SCHIP1: variants seen among roughly 807,000 people sequenced by gnomAD.
The protein encoded by SCHIP1 is schwannomin interacting protein 1, also known as schwannomin-interacting protein 1.
SCHIP1 carries 8 observed loss-of-function variants against 29.7 expected under a neutral mutation model. The ratio of observed to expected loss-of-function variants is 0.27; its 90% confidence interval spans 0.16 to 0.49. The LOEUF (loss-of-function observed/expected upper bound fraction) is 0.49, where lower values mean the gene tolerates loss of function less well. Ranked by LOEUF, SCHIP1 falls within the 20% of genes least tolerant of loss-of-function variation. SCHIP1 has a pLI of 0.99. For missense variants in SCHIP1, 193 were observed against 294.6 expected (o/e 0.66, Z 2.52); for synonymous variants, 76 against 94.9 (o/e 0.80, Z 1.16).
chr3:159,772,693 C>G, the SCHIP1 span, among the ~76,000 whole-genome samples: 2 of 152,174 alleles, frequency 1.3e-5, no homozygotes, highest in Non-Finnish European at 2.9e-5. Flanking sequence ...ATTCCAGGTC[C>G]TTTCTTAAAA....
the SCHIP1 span, among the ~76,000 whole-genome samples, chr3:159,426,803 G>A: frequency 6.0e-4 from 91 of 152,240 alleles, no homozygotes; most frequent in African/African-American, 2.0e-3. Context: ...CTGGCAAACT[G>A]AATCCAGCAG....
the SCHIP1 span, among the ~76,000 whole-genome samples, chr3:159,692,013 C>CTTTTTTTTT: frequency 1.1e-5 from 1 of 90,942 alleles, no homozygotes; most frequent in African/African-American, 4.8e-5. Flanking sequence ...CCCGACCTTT[C>CTTTTTTTTT]TTTTTTTTTT....
chr3:159,312,996 G>C, the SCHIP1 span, among the ~76,000 whole-genome samples: 1 of 151,764 alleles, frequency 6.6e-6, no homozygotes, highest in African/African-American at 2.4e-5. Flanking sequence ...TTTCTTTTTT[G>C]CTATTATTCA....
At chr3:159,739,876 A>G in the SCHIP1 span, among the ~76,000 whole-genome samples, 5 of 152,374 alleles carry the variant, frequency 3.3e-5, no homozygotes. Context: ...GACCAAGTCT[A>G]CATTTATTCT....
At chr3:159,714,146 A>G in the SCHIP1 span, among the ~76,000 whole-genome samples, 1 of 152,174 alleles carries the variant, frequency 6.6e-6, no homozygotes, top group Non-Finnish European at 1.5e-5. Flanking sequence ...CTGAGGGGGA[A>G]GAATAACTTG....
chr3:159,853,206 C>T (rs1712876780), intron 1 of SCHIP1: 4 of 450,996 alleles, frequency 8.9e-6, no homozygotes, highest in South Asian at 4.8e-5. Context: ...GGAGGCTGGG[C>T]GGGGCAGTGT....
chr3:159,337,033 G>C, the SCHIP1 span, among the ~76,000 whole-genome samples: 1 of 152,042 alleles, frequency 6.6e-6, no homozygotes, highest in Non-Finnish European at 1.5e-5. Flanking sequence ...CAGATGCAAG[G>C]CTGGTTCAAC....
the SCHIP1 span, among the ~76,000 whole-genome samples, chr3:159,392,152 A>T: frequency 6.6e-6 from 1 of 152,140 alleles, no homozygotes; most frequent in Non-Finnish European, 1.5e-5. Context: ...GTTGCCTGTC[A>T]TCAGCTTTAG....
chr3:159,693,914 A>G, the SCHIP1 span, among the ~76,000 whole-genome samples: 1 of 152,316 alleles, frequency 6.6e-6, no homozygotes, highest in Non-Finnish European at 1.5e-5. Flanking sequence ...GTGTGTCGTG[A>G]AGATCAGTGC....
chr3:159,651,253 G>C, the SCHIP1 span, among the ~76,000 whole-genome samples: 1 of 152,178 alleles, frequency 6.6e-6, no homozygotes, highest in Admixed American at 6.5e-5. Context: ...TATGAATTTA[G>C]TATAGATACT....
At chr3:159,626,567 T>C in the SCHIP1 span, among the ~76,000 whole-genome samples, 5 of 152,062 alleles carry the variant, frequency 3.3e-5, no homozygotes, top group African/African-American at 1.2e-4. Flanking sequence ...TTATATAATG[T>C]GATAGTAAAC....
chr3:159,363,009 A>T, the SCHIP1 span, among the ~76,000 whole-genome samples: 2,474 of 152,286 alleles, frequency 0.016, 56 homozygotes, highest in African/African-American at 0.056. Context: ...AGTAACAGCC[A>T]CTTACCCCAT....
At chr3:159,468,928 G>A in the SCHIP1 span, among the ~76,000 whole-genome samples, 1 of 151,372 alleles carries the variant, frequency 6.6e-6, no homozygotes, top group Non-Finnish European at 1.5e-5. Flanking sequence ...CACCACACCA[G>A]GCTAATTTTT....
At chr3:159,856,665 C>T (rs577935975) in intron 1 of SCHIP1, among the ~76,000 whole-genome samples, 19 of 152,306 alleles carry the variant, frequency 1.2e-4, no homozygotes, top group African/African-American at 4.3e-4. Flanking sequence ...GGCCCAGGGC[C>T]GGGCCAGCCG....
the SCHIP1 span, among the ~76,000 whole-genome samples, chr3:159,449,031 G>A: frequency 4.6e-3 from 699 of 152,272 alleles, 8 homozygotes; most frequent in African/African-American, 0.016. Flanking sequence ...TGCTATTCCC[G>A]TCCATGTCTT....
the SCHIP1 span, among the ~76,000 whole-genome samples, chr3:159,651,517 A>G: frequency 6.6e-5 from 10 of 152,184 alleles, no homozygotes; most frequent in African/African-American, 2.2e-4. Flanking sequence ...TTTTACTACC[A>G]TTATTACTAA....
chr3:159,703,025 T>G, the SCHIP1 span, among the ~76,000 whole-genome samples: 11 of 152,240 alleles, frequency 7.2e-5, no homozygotes, highest in African/African-American at 2.7e-4. Flanking sequence ...CATTTATTCT[T>G]TATCTACTAG....
At chr3:159,824,929 C>A in the SCHIP1 span, among the ~76,000 whole-genome samples, 9 of 152,092 alleles carry the variant, frequency 5.9e-5, no homozygotes, top group Non-Finnish European at 1.2e-4. Context: ...CTCACCTAAA[C>A]CCCCATAGTA....
the SCHIP1 span, among the ~76,000 whole-genome samples, chr3:159,673,122 C>T: frequency 6.6e-6 from 1 of 152,328 alleles, no homozygotes; most frequent in Non-Finnish European, 1.5e-5. Context: ...TCCTCCAATA[C>T]ACAAAAATCC....
Sources: allele counts gnomAD v4.1 joint callset (sites outside exome capture counted in the v4.1 genomes callset), GRCh38; gene constraint gnomAD v4.1.1; transcripts MANE v1.5; gene names NCBI Gene and HGNC (gene_info 2026-07-23, HGNC 2026-07-21).